The following TBC1D30 variants were observed in gnomAD, a reference collection of about 807,000 sequenced individuals.
The protein encoded by TBC1D30 is TBC1 domain family member 30.
A neutral mutation model predicts 63.2 loss-of-function variants in TBC1D30; 31 were observed. That is an observed-to-expected ratio of 0.49 (90% CI 0.37 to 0.66). The LOEUF is 0.66. TBC1D30 is among the 30% of genes least tolerant of loss of function. TBC1D30 has a pLI of 0.00. For synonymous variants in TBC1D30, 307 were observed against 361.5 expected (o/e 0.85, Z 1.71); for missense variants, 810 against 953.6 (o/e 0.85, Z 1.98).
At chr12:64,795,220 G>C (rs1184149917) in intron 2 of TBC1D30, among the ~76,000 whole-genome samples, 2 of 152,182 alleles carry the variant, frequency 1.3e-5, no homozygotes, top group African/African-American at 4.8e-5. Context: ...GGGCTGGTCA[G>C]ATTCTTCAAG....
intron 8 of TBC1D30, among the ~76,000 whole-genome samples, chr12:64,844,539 T>C (rs1876188248): frequency 6.6e-6 from 1 of 152,248 alleles, no homozygotes; most frequent in South Asian, 2.1e-4. Context: ...AATTATACTT[T>C]TAAATTTATT....
At chr12:64,830,230 G>A in intron 3 of TBC1D30, 147 bp from the exon 4 acceptor site, 2 of 685,282 alleles carry the variant, frequency 2.9e-6, no homozygotes, top group Non-Finnish European at 4.4e-6. Context: ...ATTTCAGTGA[G>A]ACTCTTGTAG....
intron 2 of TBC1D30, among the ~76,000 whole-genome samples, chr12:64,800,457 G>A (rs553190998): frequency 6.6e-4 from 101 of 152,256 alleles, no homozygotes; most frequent in Non-Finnish European, 1.1e-3. Context: ...GAATCAGCTC[G>A]TAGAGTCGAT....
Position 64,880,078 on chromosome 12 carries a change from A to G in TBC1D30, c.*4290A>G, listed in dbSNP as rs924808859. On this transcript the variant is annotated 3_prime_UTR_variant, in exon 12 of 12. Coordinates refer to ENST00000539867, the MANE Select transcript of TBC1D30 (RefSeq NM_015279.2). Reference sequence around the variant, plus strand: ...AGGCCGGTGAGTATTTGGACCATTGAAGTGGGAGTTATCTGTTATCCACAT... The same window carrying G: ...AGGCCGGTGAGTATTTGGACCATTGGAGTGGGAGTTATCTGTTATCCACAT... The G allele has an allele frequency of 6.6e-6, 1 of 152,226 alleles. No individual in the cohort carries two copies. Among genetic ancestry groups the G allele is most frequent in the African/African-American group, 2.4e-5 (1 of 41,460 alleles). 9.4% of individuals were successfully genotyped at this position (152,226 alleles called of 1,614,324 possible). A position where few individuals can be genotyped will look rare whatever the true frequency, so the allele number is the denominator to read the frequency against.
chr12:64,870,135 T>G (rs1422613004), intron 10 of TBC1D30, among the ~76,000 whole-genome samples: 1 of 152,200 alleles, frequency 6.6e-6, no homozygotes, highest in Non-Finnish European at 1.5e-5. Context: ...CTTGATAATT[T>G]TATAAATTGT....
intron 4 of TBC1D30, 139 bp downstream of exon 4, chr12:64,830,641 G>C (rs1874772627): frequency 1.3e-6 from 1 of 779,290 alleles, no homozygotes; most frequent in African/African-American, 1.7e-5. Context: ...CATTTCATTA[G>C]CTTTTTCATG....
At chr12:64,832,723 T>C (rs1244724304) in intron 5 of TBC1D30, among the ~76,000 whole-genome samples, 1 of 152,118 alleles carries the variant, frequency 6.6e-6, no homozygotes, top group Non-Finnish European at 1.5e-5. Flanking sequence ...AAGGCTCAAT[T>C]GGGGGTGGGC....
intron 2 of TBC1D30, among the ~76,000 whole-genome samples, chr12:64,810,905 C>A (rs1013259823): frequency 6.6e-6 from 1 of 152,236 alleles, no homozygotes; most frequent in African/African-American, 2.4e-5. Flanking sequence ...AAACTCACAT[C>A]ACTGGCCTAA....
Position 64,771,993 on chromosome 12 carries a change from G to A in TBC1D30, c.-376+12344G>A, listed in dbSNP as rs186891899. On this transcript the variant is annotated intron_variant, in intron 1 of 13. Coordinates refer to the TBC1D30 transcript ENST00000674237. The stretch of plus-strand genomic sequence containing the variant: ...AAAATGGCCAGGCGCAGTGGCTCAT[G>A]CCTGTAATCCCAGCACTTTGGGAGG... 3.7e-3 allele frequency among the ~76,000 whole-genome samples: 564 copies of A among 152,226 alleles called. 5 individuals are homozygous for A. Among genetic ancestry groups the A allele is most frequent in the Non-Finnish European group, 6.4e-3 (438 of 68,010 alleles).
At chr12:64,772,333 C>G (rs1372643088) in intron 1 of TBC1D30, among the ~76,000 whole-genome samples, 2 of 151,570 alleles carry the variant, frequency 1.3e-5, no homozygotes, top group Non-Finnish European at 2.9e-5. Context: ...TTGGAAGAGG[C>G]ACTAGACAAC....
chr12:64,777,164 A>G (rs1331196685), upstream of TBC1D30, among the ~76,000 whole-genome samples: 2 of 152,246 alleles, frequency 1.3e-5, no homozygotes, highest in East Asian at 3.8e-4. Context: ...CTGAAAGGGC[A>G]AAAGCTGGAA....
At chr12:64,866,587 G>A (rs1028733452) in intron 9 of TBC1D30, among the ~76,000 whole-genome samples, 177 bp from the exon 10 acceptor site, 6 of 151,972 alleles carry the variant, frequency 3.9e-5, no homozygotes, top group South Asian at 2.1e-4. Flanking sequence ...ACAGGTGTGC[G>A]GCACCACACC....
intron 1 of TBC1D30, among the ~76,000 whole-genome samples, chr12:64,770,171 G>A (rs1870853506): frequency 6.6e-6 from 1 of 152,114 alleles, no homozygotes; most frequent in Non-Finnish European, 1.5e-5. Flanking sequence ...TAAAGCTGTG[G>A]ATATTTGATT....
rs955694290 is a variant in TBC1D30 at position 64,875,323 on chromosome 12, A to G, written c.1821A>G (p.Ala607=). Residue 607 remains alanine (A), a synonymous_variant, in exon 12 of 12, where the codon GCA becomes GCG. Coordinates refer to ENST00000539867, the MANE Select transcript of TBC1D30 (RefSeq NM_015279.2). Reference sequence around the variant, plus strand: ...GCAAGACCAATGGGCTGGGGGCAGCAGAGGCATTCCCCTCTGGTTGTACAG... The same window carrying G: ...GCAAGACCAATGGGCTGGGGGCAGCGGAGGCATTCCCCTCTGGTTGTACAG... ...EASKTNGLGA[A]EAFPSGCTAT... is the part of the protein sequence containing the mutation. The G allele has an allele frequency of 6.5e-6, 10 of 1,536,184 alleles. No individual in the cohort carries two copies. The African/African-American group carries it at 9.6e-5, about 15-fold the overall frequency.
At chr12:64,777,143 C>T (rs534178383), upstream of TBC1D30, among the ~76,000 whole-genome samples, 2 of 152,200 alleles carry the variant, frequency 1.3e-5, no homozygotes, top group Admixed American at 1.3e-4. Context: ...AAACCCGCAG[C>T]TAATATCCTA....
chr12:64,872,216 C>T lies in TBC1D30; in HGVS notation c.1498+1408C>T, dbSNP rs189552707. On this transcript the variant is annotated intron_variant, in intron 11 of 11. Coordinates refer to ENST00000539867, the MANE Select transcript of TBC1D30 (RefSeq NM_015279.2). ...CTGATTCTTGTATTTTTAGTAGAGA[C>T]GGGATTTCACCATGTTGGCCAGGCT... Among the ~76,000 whole-genome samples, 994 of 152,136 alleles carry T rather than the reference C, an allele frequency of 6.5e-3. 5 individuals carry two copies. Among genetic ancestry groups the T allele is most frequent in the Non-Finnish European group, 0.011 (737 of 67,994 alleles).
intron 3 of TBC1D30, 114 bp from the exon 4 acceptor site, chr12:64,830,263 T>C (rs1874730254): frequency 2.0e-6 from 2 of 1,008,946 alleles, no homozygotes; most frequent in South Asian, 2.2e-5. Flanking sequence ...GAGCGATAGA[T>C]AGCTGGTCTA....
intron 2 of TBC1D30, among the ~76,000 whole-genome samples, chr12:64,792,874 T>C (rs1213077625): frequency 1.3e-5 from 2 of 152,158 alleles, no homozygotes; most frequent in East Asian, 3.9e-4. Context: ...ATGCCCAGCC[T>C]AGGCTAGTTA....
intron 1 of TBC1D30, among the ~76,000 whole-genome samples, chr12:64,761,575 A>T (rs982719463): frequency 6.6e-6 from 1 of 152,176 alleles, no homozygotes; most frequent in African/African-American, 2.4e-5. Flanking sequence ...GATGAAAGTG[A>T]CCTCTGGTCG....
Sources: gnomAD v4.1 joint callset for allele counts (sites outside exome capture counted in the v4.1 genomes callset) on GRCh38, gnomAD v4.1.1 for gene constraint, MANE v1.5 for transcripts, NCBI Gene and HGNC (gene_info 2026-07-23, HGNC 2026-07-21) for gene names.